Variants in PTGER3 observed in about 807,000 individuals in gnomAD.
PTGER3 encodes the protein prostaglandin E2 receptor EP3 subtype.
In PTGER3, 22 loss-of-function variants were observed where a neutral mutation model predicts 34.7. That is an observed-to-expected ratio of 0.63 (90% confidence interval 0.45 to 0.91). The LOEUF (loss-of-function observed/expected upper bound fraction) is 0.91, where lower values mean the gene tolerates loss of function less well. Among genes scored for constraint, PTGER3 ranks in the 40% least tolerant of loss-of-function variants. The probability of loss-of-function intolerance (pLI) is 0.00; values close to 1 mark genes in which losing one functional copy is unlikely to be tolerated. For synonymous variants in PTGER3, 241 were observed against 230.1 expected (o/e 1.05, Z -0.43); for missense variants, 468 against 519.4 (o/e 0.90, Z 0.96).
intron 2 of PTGER3, among the ~76,000 whole-genome samples, chr1:71,000,961 T>C (rs10789315): frequency 0.33 from 49,407 of 152,008 alleles, 8,898 homozygotes; most frequent in South Asian, 0.45. Flanking sequence ...AAAATCAGCA[T>C]ATAATGTCTA....
chr1:70,874,469 A>AT (rs1161317619), intron 4 of PTGER3, among the ~76,000 whole-genome samples: 1 of 151,480 alleles, frequency 6.6e-6, no homozygotes, highest in South Asian at 2.1e-4. Flanking sequence ...AGTTATATAC[A>AT]TTTTTTCAGT....
chr1:71,017,483 G>A (rs1658010422), intron 1 of PTGER3, among the ~76,000 whole-genome samples: 1 of 152,088 alleles, frequency 6.6e-6, no homozygotes, highest in South Asian at 2.1e-4. Flanking sequence ...CACTGATATG[G>A]TCTAGCTCTG....
At chr1:70,870,187 C>A (rs902636429) in intron 4 of PTGER3, among the ~76,000 whole-genome samples, 2 of 152,174 alleles carry the variant, frequency 1.3e-5, no homozygotes, top group African/African-American at 4.8e-5. Context: ...ATGGCTTGCA[C>A]CCTCTGGAGC....
chr1:70,982,218 A>C (rs1047334202), intron 2 of PTGER3, among the ~76,000 whole-genome samples: 1 of 152,164 alleles, frequency 6.6e-6, no homozygotes, highest in Middle Eastern at 3.2e-3. Context: ...TCTCCATGAA[A>C]TTATTCTACC....
chr1:70,939,443 C>T (rs1346458187), intron 4 of PTGER3, among the ~76,000 whole-genome samples: 1 of 152,226 alleles, frequency 6.6e-6, no homozygotes, highest in African/African-American at 2.4e-5. Flanking sequence ...TAGGCAGTGC[C>T]CCAGTAGGGC....
At chr1:70,954,512 A>G (rs559395510) in intron 2 of PTGER3, among the ~76,000 whole-genome samples, 2 of 152,266 alleles carry the variant, frequency 1.3e-5, no homozygotes, top group African/African-American at 4.8e-5. Flanking sequence ...ATTAATCCTC[A>G]CAGCAATCCT....
chr1:70,946,442 C>T (rs527767738), intron 4 of PTGER3, among the ~76,000 whole-genome samples: 3 of 152,226 alleles, frequency 2.0e-5, no homozygotes, highest in African/African-American at 4.8e-5. Context: ...TTCTACAGTG[C>T]GTGCTCTTTA....
At chr1:70,974,413 A>G in intron 2 of PTGER3, 25 bp from the exon 3 acceptor site, 1 of 855,428 alleles carries the variant, frequency 1.2e-6, no homozygotes, top group South Asian at 1.3e-5. Context: ...AGGATTTCAC[A>G]GGACACTTCC....
chr1:70,875,635 T>A (rs1476565010), intron 4 of PTGER3, among the ~76,000 whole-genome samples: 3 of 152,152 alleles, frequency 2.0e-5, no homozygotes, highest in Non-Finnish European at 4.4e-5. Flanking sequence ...CCCTCCAGCC[T>A]CAAGTAGGAC....
At chr1:70,983,657 T>A (rs1337087367) in intron 2 of PTGER3, among the ~76,000 whole-genome samples, 1 of 152,150 alleles carries the variant, frequency 6.6e-6, no homozygotes, top group Non-Finnish European at 1.5e-5. Flanking sequence ...TCTTTAAGCC[T>A]GGTGATAACC....
downstream of PTGER3, among the ~76,000 whole-genome samples, chr1:70,950,067 G>A (rs890337708): frequency 1.6e-4 from 24 of 152,270 alleles, no homozygotes; most frequent in Admixed American, 5.9e-4. Flanking sequence ...AGGAAGACAC[G>A]AAGAAGGGTC....
At chr1:70,898,101 C>T (rs140621956) in intron 4 of PTGER3, among the ~76,000 whole-genome samples, 3 of 152,162 alleles carry the variant, frequency 2.0e-5, no homozygotes, top group African/African-American at 4.8e-5. Flanking sequence ...CCTATGCATC[C>T]CAGTCCTTTG....
In PTGER3 at chr1:70,856,375, A is replaced by G. The variant is rs962504147; in HGVS notation, c.*24-3516T>C. 1.1e-4 allele frequency among the ~76,000 whole-genome samples: 17 copies of G among 148,450 alleles called. 1 individual carries two copies. Among genetic ancestry groups the G allele is most frequent in the Non-Finnish European group, 1.6e-4 (11 of 67,196 alleles). ...GAATCATTTGAGCCGCTGAGGTGGAAGTTGCAGTGAGTCGATATTGCACCA... is the reference window on the plus strand; with the variant it reads ...GAATCATTTGAGCCGCTGAGGTGGAGGTTGCAGTGAGTCGATATTGCACCA... On this transcript the variant is annotated intron_variant, in intron 4 of 4. Transcript: ENST00000370931.
chr1:70,931,522 C>T (rs1214220995), intron 4 of PTGER3, among the ~76,000 whole-genome samples: 1 of 152,246 alleles, frequency 6.6e-6, no homozygotes, highest in African/African-American at 2.4e-5. Context: ...TCCTGGGCAT[C>T]CAGGCATTTC....
intron 4 of PTGER3, among the ~76,000 whole-genome samples, chr1:70,913,869 G>A (rs1237392954): frequency 1.3e-5 from 2 of 151,632 alleles, no homozygotes; most frequent in Non-Finnish European, 3.0e-5. Flanking sequence ...ATTGGATTTG[G>A]TTAACTAATT....
chr1:71,035,000 AGCCTG>A (rs1462600345), intron 1 of PTGER3, among the ~76,000 whole-genome samples: 1 of 151,136 alleles, frequency 6.6e-6, no homozygotes, highest in Non-Finnish European at 1.5e-5. Flanking sequence ...TGTGAGAAAG[AGCCTG>A]GCACAATCTT....
chr1:71,011,146 C>G (rs953369016), intron 2 of PTGER3: 1 of 985,622 alleles, frequency 1.0e-6, no homozygotes, highest in Non-Finnish European at 1.2e-6. Flanking sequence ...TGCACAAATA[C>G]GTCAAGCTTA....
At chr1:70,906,030 T>A (rs1199027945) in intron 4 of PTGER3, among the ~76,000 whole-genome samples, 1 of 121,544 alleles carries the variant, frequency 8.2e-6, no homozygotes, top group East Asian at 3.5e-4. Flanking sequence ...TCTCATAGGA[T>A]CTGATGGGTT....
chr1:70,871,017 A>G (rs1646151298), intron 4 of PTGER3, among the ~76,000 whole-genome samples: 1 of 152,136 alleles, frequency 6.6e-6, no homozygotes, highest in African/African-American at 2.4e-5. Flanking sequence ...CTTTATAGCA[A>G]TGCCTCACTT....
Sources: allele counts gnomAD v4.1 joint callset (sites outside exome capture counted in the v4.1 genomes callset), GRCh38; gene constraint gnomAD v4.1.1; transcripts MANE v1.5; gene names NCBI Gene and HGNC (gene_info 2026-07-23, HGNC 2026-07-21).